Variants in SGSM1 observed in about 807,000 individuals in gnomAD.
SGSM1 encodes the protein small G protein signaling modulator 1.
In SGSM1, 73 loss-of-function variants were observed where a neutral mutation model predicts 133.8. The observed-to-expected ratio is 0.55, with a 90% CI of 0.45 to 0.66. The LOEUF (loss-of-function observed/expected upper bound fraction) is 0.66, where lower values mean the gene tolerates loss of function less well. Among genes scored for constraint, SGSM1 ranks in the 30% least tolerant of loss-of-function variants. The pLI is 0.00. For synonymous variants in SGSM1, 563 were observed against 573.0 expected (o/e 0.98, Z 0.25); for missense variants, 1,213 against 1,448.1 (o/e 0.84, Z 2.64).
intron 24 of SGSM1, among the ~76,000 whole-genome samples, chr22:24,922,279 C>G (rs2047922638): frequency 7.0e-6 from 1 of 143,820 alleles, no homozygotes; most frequent in African/African-American, 2.6e-5. Flanking sequence ...CTGTGGGATT[C>G]ACGCCATTCT....
intron 3 of SGSM1, among the ~76,000 whole-genome samples, chr22:24,845,704 G>A (rs556636849): frequency 5.3e-5 from 8 of 152,276 alleles, no homozygotes; most frequent in Admixed American, 4.6e-4. Flanking sequence ...ATCAGCTGCC[G>A]TCCAAATGGC....
At chr22:24,895,460 T>C (rs1035261272) in intron 18 of SGSM1, among the ~76,000 whole-genome samples, 169 bp downstream of exon 18, 2 of 152,196 alleles carry the variant, frequency 1.3e-5, no homozygotes, top group Non-Finnish European at 2.9e-5. Context: ...ATGCAAGAAA[T>C]ATATGGATCT....
chr22:24,846,749 GTTAAAA>G (rs1268489404), intron 3 of SGSM1, among the ~76,000 whole-genome samples: 1 of 152,054 alleles, frequency 6.6e-6, no homozygotes, highest in Non-Finnish European at 1.5e-5. Context: ...GCATATGTAA[GTTAAAA>G]TTAAGATATC....
Position 24,883,486 on chromosome 22 carries a change from CT to C in SGSM1, c.1496-564del, listed in dbSNP as rs1932445202. On this transcript the variant is annotated intron_variant, in intron 14 of 24. Transcript: ENST00000400358. The stretch of plus-strand genomic sequence containing the variant: ...CTGCCTCTAGCCTATGAATTAAATG[CT>C]TTGGCTTAGAGCAGAGAAGGGTGCC... 3.3e-5 allele frequency among the ~76,000 whole-genome samples: 5 copies of C among 152,280 alleles called. No individual in the cohort carries two copies. In the South Asian group the frequency reaches 1.0e-3, roughly 32 times the overall value.
Position 24,894,135 on chromosome 22 carries a change from G to C in SGSM1, c.1953+522G>C, listed in dbSNP as rs148061558. 4.3e-3 allele frequency among the ~76,000 whole-genome samples: 660 copies of C among 152,326 alleles called. 5 individuals carry two copies. Among genetic ancestry groups the C allele is most frequent in the African/African-American group, 0.015 (628 of 41,572 alleles). On this transcript the variant is annotated intron_variant, in intron 17 of 24. Transcript: ENST00000400358. ...CTCACCACCCTTGACTGAGGGTGGT[G>C]GCTCACGCCTGTAATCCCAGTACTT...
At position 24,924,776 on chromosome 22, in the gene SGSM1, C is replaced by T. The variant is rs1283598687; in HGVS notation, c.*502C>T. On this transcript the variant is annotated 3_prime_UTR_variant, in exon 25 of 25. Transcript: ENST00000400358. Reference sequence around the variant, plus strand: ...AGATTGACCCTCCACCTCGACATTACTGACATTTGGGGCCAGGTGATTCTT... The same window carrying T: ...AGATTGACCCTCCACCTCGACATTATTGACATTTGGGGCCAGGTGATTCTT... The T allele has an allele frequency of 6.2e-6, 1 of 161,460 alleles. No homozygotes were observed. The highest frequency in any genetic ancestry group is 1.4e-5 in the Non-Finnish European group (1 of 73,642). The allele number at this position is 161,460 out of a possible 1,614,324, so 10.0% of individuals were successfully genotyped here. A position where few individuals can be genotyped will look rare whatever the true frequency, so the allele number is the denominator to read the frequency against.
chr22:24,852,808 C>T (rs531158943), intron 5 of SGSM1, among the ~76,000 whole-genome samples: 8 of 151,992 alleles, frequency 5.3e-5, no homozygotes, highest in East Asian at 3.9e-4. Context: ...AGTTTTTGAT[C>T]GTATAATTCT....
chr22:24,823,045 C>G (rs1928573834), intron 2 of SGSM1, among the ~76,000 whole-genome samples: 1 of 152,190 alleles, frequency 6.6e-6, no homozygotes. Context: ...GCAGGAAAGA[C>G]AGTCCTGGAT....
chr22:24,827,346 G>C (rs1264251505), intron 2 of SGSM1, among the ~76,000 whole-genome samples: 1 of 139,290 alleles, frequency 7.2e-6, no homozygotes, highest in Non-Finnish European at 1.6e-5. Context: ...TCCCTCCTGA[G>C]ATTAATTCTC....
At chr22:24,895,641 A>G (rs752897916) in intron 18 of SGSM1, among the ~76,000 whole-genome samples, 13 of 152,102 alleles carry the variant, frequency 8.5e-5, no homozygotes, top group Admixed American at 2.6e-4. Flanking sequence ...ATCTATAGCA[A>G]TGTTTGGTAG....
At chr22:24,888,352 T>G (rs1017465601) in intron 16 of SGSM1, among the ~76,000 whole-genome samples, 1 of 152,194 alleles carries the variant, frequency 6.6e-6, no homozygotes, top group African/African-American at 2.4e-5. Context: ...TTGAGTTTTT[T>G]TTTCTTATAT....
intron 16 of SGSM1, among the ~76,000 whole-genome samples, chr22:24,891,878 A>G (rs1274160018): frequency 2.0e-5 from 3 of 152,136 alleles, no homozygotes; most frequent in African/African-American, 4.8e-5. Flanking sequence ...CAGCACAGGC[A>G]GAGGTCTGGA....
intron 23 of SGSM1, 37 bp from the exon 24 acceptor site, chr22:24,919,789 A>C (rs1416517942): frequency 6.2e-7 from 1 of 1,611,916 alleles, no homozygotes; most frequent in Non-Finnish European, 8.5e-7. Context: ...GAGCCCCGTC[A>C]CCAATTCTCT....
intron 2 of SGSM1, chr22:24,814,178 C>CT (rs1018003682): frequency 6.6e-5 from 10 of 152,064 alleles, no homozygotes; most frequent in African/African-American, 2.4e-4. Flanking sequence ...CTAATTAAAA[C>CT]TAAGTAGCTG....
At chr22:24,902,030 G>C (rs1013366186) in intron 20 of SGSM1, 73 bp downstream of exon 20, 2 of 1,437,412 alleles carry the variant, frequency 1.4e-6, no homozygotes, top group Admixed American at 4.1e-5. Context: ...TAGGGGGCCC[G>C]CCTAGAAGTT....
chr22:24,855,157 G>A, intron 6 of SGSM1, 94 bp downstream of exon 6: 4 of 1,552,208 alleles, frequency 2.6e-6, no homozygotes, highest in Non-Finnish European at 3.5e-6. Flanking sequence ...GTCCAGCCTT[G>A]CCCATGGAAA....
chr22:24,837,730 G>A (rs138639967), intron 2 of SGSM1, among the ~76,000 whole-genome samples: 2,565 of 152,274 alleles, frequency 0.017, 71 homozygotes, highest in African/African-American at 0.058. Context: ...GCCCTGTCCG[G>A]GCATAACTGA....
intron 13 of SGSM1, 75 bp from the exon 14 acceptor site, chr22:24,879,387 C>T (rs1932197513): frequency 7.0e-6 from 10 of 1,424,162 alleles, no homozygotes; most frequent in East Asian, 2.3e-5. Flanking sequence ...AGAGATAGCA[C>T]GTGGTTATCC....
rs1425127231 is a variant in SGSM1, at chr22:24,881,600, C to CAAAA, written c.1495+2074_1495+2075insAAAA. 1.7e-4 allele frequency among the ~76,000 whole-genome samples: 26 copies of CAAAA among 150,534 alleles called. No homozygotes were observed. In the South Asian group the frequency reaches 4.0e-3, roughly 23 times the overall value. Reference sequence around the variant, plus strand: ...ACAAAACAAAACAAAACAAAAAAAACCAGCAACAACAACAAAAATAGTTAT... The same window carrying CAAAA: ...ACAAAACAAAACAAAACAAAAAAAACAAAACAGCAACAACAACAAAAATAGTTAT... On this transcript the variant is annotated intron_variant, in intron 14 of 24. Coordinates refer to ENST00000400358, the MANE Select transcript of SGSM1 (RefSeq NM_001098497.3).
Sources: allele counts gnomAD v4.1 joint callset (sites outside exome capture counted in the v4.1 genomes callset), GRCh38; gene constraint gnomAD v4.1.1; transcripts MANE v1.5; gene names NCBI Gene and HGNC (gene_info 2026-07-23, HGNC 2026-07-21).